Variants in DNAJB14 observed in about 807,000 individuals in gnomAD.
The protein encoded by DNAJB14 is DnaJ heat shock protein family (Hsp40) member B14.
DNAJB14 carries 22 observed loss-of-function variants against 48.4 expected under a neutral mutation model. That is an observed-to-expected ratio of 0.45 (90% CI 0.32 to 0.65). The LOEUF (loss-of-function observed/expected upper bound fraction) is 0.65. Among genes scored for constraint, DNAJB14 ranks in the 30% least tolerant of loss-of-function variants. The pLI is 0.03. For synonymous variants in DNAJB14, 142 were observed against 158.7 expected (o/e 0.89, Z 0.79); for missense variants, 319 against 458.8 (o/e 0.70, Z 2.78).
chr4:99,914,909 T>G (rs72915005), intron 3 of DNAJB14, among the ~76,000 whole-genome samples: 1,570 of 152,304 alleles, frequency 0.01, 29 homozygotes, highest in African/African-American at 0.035. Flanking sequence ...CATTTCTGTC[T>G]TCTTTTTTTG....
At chr4:99,940,952 T>TATATATA (rs370865641) in intron 1 of DNAJB14, among the ~76,000 whole-genome samples, 1 of 148,712 alleles carries the variant, frequency 6.7e-6, no homozygotes, top group Non-Finnish European at 1.5e-5. Context: ...TATATATATA[T>TATATATA]TTTTTTTTTG....
intron 1 of DNAJB14, chr4:99,941,932 A>G (rs975112805): frequency 6.6e-6 from 1 of 152,126 alleles, no homozygotes; most frequent in Non-Finnish European, 1.5e-5. Context: ...TGAATGTATA[A>G]TTTGTACTTG....
At chr4:99,943,858 A>C (rs999312361) in intron 1 of DNAJB14, among the ~76,000 whole-genome samples, 2 of 152,136 alleles carry the variant, frequency 1.3e-5, no homozygotes, top group African/African-American at 4.8e-5. Flanking sequence ...GCAAAAGCAC[A>C]AAAAAACAAA....
At chr4:99,903,941 T>C in intron 6 of DNAJB14, 43 bp from the exon 7 acceptor site, 1 of 1,561,708 alleles carries the variant, frequency 6.4e-7, no homozygotes. Context: ...AATTGGACAT[T>C]CCAATATGCT....
Position 99,899,825 on chromosome 4 carries a change from A to C in DNAJB14, c.*1203T>G, listed in dbSNP as rs1362527523. On this transcript the variant is annotated 3_prime_UTR_variant, in exon 8 of 8. Transcript: ENST00000442697. ...CTGTTTTTTTTTTCTAATTCATATC[A>C]TGGATTTACTTACAAGGAGCTTATT... 1 of 151,730 alleles carries C rather than the reference A, an allele frequency of 6.6e-6. No homozygotes were observed. The highest frequency in any genetic ancestry group is 2.4e-5 in the African/African-American group (1 of 41,342). 9.4% of individuals were successfully genotyped at this position (151,730 alleles called of 1,614,324 possible).
At chr4:99,906,213 T>C (rs1184791231) in intron 5 of DNAJB14, 2 of 1,355,342 alleles carry the variant, frequency 1.5e-6, no homozygotes, top group Non-Finnish European at 9.6e-7. Flanking sequence ...ATTCAAGTTT[T>C]TCAGTACTCT....
intron 1 of DNAJB14, among the ~76,000 whole-genome samples, chr4:99,939,083 C>T (rs113668178): frequency 1.1e-4 from 17 of 152,306 alleles, no homozygotes; most frequent in African/African-American, 2.2e-4. Context: ...GCCCACCAGC[C>T]GGGTACAGTG....
intron 2 of DNAJB14, chr4:99,925,107 G>C (rs1004073569): frequency 1.1e-5 from 4 of 373,692 alleles, no homozygotes; most frequent in African/African-American, 6.2e-5. Context: ...AAAATCTACA[G>C]ATGCTCAAAT....
Position 99,932,609 on chromosome 4 carries a change from A to ACTTTT in DNAJB14, c.134-1989_134-1988insAAAAG, listed in dbSNP as rs1726517090. ...AAATCATCTAGTAGTTCTTTAAAAA[A>ACTTTT]GTAAACATAGTTACCATTTGACTCA... On this transcript the variant is annotated intron_variant, in intron 1 of 7. Coordinates refer to ENST00000442697, the MANE Select transcript of DNAJB14 (RefSeq NM_001031723.4). 7.9e-5 allele frequency among the ~76,000 whole-genome samples: 12 copies of ACTTTT among 152,334 alleles called. No homozygotes were observed. In the South Asian group the frequency reaches 2.5e-3, roughly 32 times the overall value.
At chr4:99,922,810 A>G in intron 3 of DNAJB14, 1 of 387,292 alleles carries the variant, frequency 2.6e-6, no homozygotes, top group Non-Finnish European at 4.7e-6. Context: ...TGCCTAGAAA[A>G]GTTACTTGAG....
rs1047824690 is a variant in DNAJB14 at position 99,937,864 on chromosome 4, T to C, written c.134-7243A>G. Among the ~76,000 whole-genome samples, 7 of 150,590 alleles carry C rather than the reference T, an allele frequency of 4.6e-5. No individual in the cohort carries two copies. In the South Asian group the frequency reaches 1.5e-3, roughly 32 times the overall value. ...GGGAGGCCAAGGTGGGAGGATCACT[T>C]GAGCCCAGGAGTTCAAAACCAGCCT... On this transcript the variant is annotated intron_variant, in intron 1 of 7. Coordinates refer to ENST00000442697, the MANE Select transcript of DNAJB14 (RefSeq NM_001031723.4).
intron 1 of DNAJB14, among the ~76,000 whole-genome samples, chr4:99,935,961 G>A (rs1407126515): frequency 1.3e-5 from 2 of 152,134 alleles, no homozygotes; most frequent in African/African-American, 2.4e-5. Context: ...CCAGCTACTC[G>A]GGAGGCTGAG....
At chr4:99,918,703 T>C (rs1335169336) in intron 3 of DNAJB14, among the ~76,000 whole-genome samples, 2 of 152,110 alleles carry the variant, frequency 1.3e-5, no homozygotes, top group Admixed American at 1.3e-4. Context: ...TCCACTTACG[T>C]CTCCCTGGCT....
At chr4:99,941,426 A>G (rs1447790579) in intron 1 of DNAJB14, among the ~76,000 whole-genome samples, 6 of 152,198 alleles carry the variant, frequency 3.9e-5, no homozygotes, top group Admixed American at 2.0e-4. Flanking sequence ...GGTACTATTC[A>G]AGTTTTTTCC....
intron 1 of DNAJB14, among the ~76,000 whole-genome samples, chr4:99,941,020 C>T (rs1726873283): frequency 6.6e-6 from 1 of 151,512 alleles, no homozygotes; most frequent in Admixed American, 6.6e-5. Flanking sequence ...TATAGAAGGC[C>T]TTATGGCTAT....
intron 2 of DNAJB14, chr4:99,925,280 G>A (rs1223563253): frequency 6.5e-6 from 1 of 152,896 alleles, no homozygotes; most frequent in Non-Finnish European, 1.5e-5. Context: ...TTTTATTGTT[G>A]TATTGTTATT....
intron 1 of DNAJB14, among the ~76,000 whole-genome samples, chr4:99,945,073 G>A (rs1683161161): frequency 6.6e-6 from 1 of 152,136 alleles, no homozygotes; most frequent in Non-Finnish European, 1.5e-5. Flanking sequence ...GGGGCGGTAG[G>A]GAGCTGTCTG....
chr4:99,917,193 T>G (rs1725887316), intron 3 of DNAJB14, among the ~76,000 whole-genome samples: 1 of 152,200 alleles, frequency 6.6e-6, no homozygotes, highest in Non-Finnish European at 1.5e-5. Flanking sequence ...ATCTAAAACC[T>G]TATCAATGTT....
chr4:99,921,083 A>G (rs1311691161), intron 3 of DNAJB14, among the ~76,000 whole-genome samples: 2 of 152,164 alleles, frequency 1.3e-5, no homozygotes, highest in Non-Finnish European at 2.9e-5. Flanking sequence ...ATATTTTCTA[A>G]TTAACTACTG....
Sources: gnomAD v4.1 joint callset for allele counts (sites outside exome capture counted in the v4.1 genomes callset) on GRCh38, gnomAD v4.1.1 for gene constraint, MANE v1.5 for transcripts, NCBI Gene and HGNC (gene_info 2026-07-23, HGNC 2026-07-21) for gene names.